SMOC2: variants seen among roughly 807,000 people sequenced by gnomAD.
The protein encoded by SMOC2 is SPARC related modular calcium binding 2.
Under a neutral mutation model 61.4 loss-of-function variants are expected in SMOC2, and 39 were observed. That is an observed-to-expected ratio of 0.64 (90% CI 0.49 to 0.83). The LOEUF (loss-of-function observed/expected upper bound fraction) is 0.83, where lower values mean the gene tolerates loss of function less well. Ranked by LOEUF, SMOC2 falls within the 40% of genes least tolerant of loss-of-function variation. The pLI is 0.00. For missense variants in SMOC2, 556 were observed against 592.9 expected (o/e 0.94, Z 0.65); for synonymous variants, 247 against 239.9 (o/e 1.03, Z -0.27).
intron 9 of SMOC2, among the ~76,000 whole-genome samples, chr6:168,639,580 C>T (rs997802447): frequency 6.6e-6 from 1 of 152,084 alleles, no homozygotes; most frequent in Non-Finnish European, 1.5e-5. Flanking sequence ...TTCTATTGTA[C>T]TTTTGAATAT....
At chr6:168,474,189 T>A (rs926099280) in intron 1 of SMOC2, among the ~76,000 whole-genome samples, 1 of 152,122 alleles carries the variant, frequency 6.6e-6, no homozygotes, top group Non-Finnish European at 1.5e-5. Context: ...ACAGACCCGA[T>A]CCTGGCTTCC....
chr6:168,518,283 A>AGTGTGAAT (rs138290221), intron 2 of SMOC2, among the ~76,000 whole-genome samples: 3 of 152,024 alleles, frequency 2.0e-5, no homozygotes, highest in Admixed American at 6.5e-5. Flanking sequence ...CGGGGGTGTG[A>AGTGTGAAT]GTGTGAATGT....
intron 1 of SMOC2, among the ~76,000 whole-genome samples, chr6:168,497,502 C>T (rs1001120495): frequency 7.9e-5 from 12 of 151,918 alleles, no homozygotes; most frequent in Non-Finnish European, 1.2e-4. Context: ...TCTTGAGTGC[C>T]CTCTCTCCTC....
At chr6:168,542,089 T>C (rs1305378223) in intron 4 of SMOC2, among the ~76,000 whole-genome samples, 1 of 152,248 alleles carries the variant, frequency 6.6e-6, no homozygotes, top group Non-Finnish European at 1.5e-5. Context: ...CAAAATATGA[T>C]CATTTCCCGT....
intron 9 of SMOC2, 151 bp downstream of exon 9, chr6:168,608,390 T>A (rs1785767966): frequency 1.1e-6 from 1 of 876,104 alleles, no homozygotes. Context: ...GGGCCCTGAG[T>A]CCAGGCAGGG....
intron 2 of SMOC2, among the ~76,000 whole-genome samples, chr6:168,514,448 G>A (rs1415526552): frequency 2.0e-5 from 3 of 152,250 alleles, no homozygotes; most frequent in African/African-American, 4.8e-5. Flanking sequence ...GAAAGTTGGC[G>A]TGGAGCCAGG....
intron 1 of SMOC2, among the ~76,000 whole-genome samples, chr6:168,476,071 G>A (rs576357261): frequency 8.5e-5 from 13 of 152,256 alleles, no homozygotes; most frequent in South Asian, 2.1e-4. Flanking sequence ...ACACACAAGC[G>A]TAAAAAGATA....
Position 168,505,432 on chromosome 6 carries a change from T to C in SMOC2, c.85-4483T>C, listed in dbSNP as rs563588029. Among the ~76,000 whole-genome samples, 14 of 148,884 alleles carry C rather than the reference T, an allele frequency of 9.4e-5. No homozygotes were observed. The South Asian group carries it at 1.1e-3, about 12-fold the overall frequency. ...AATGAAATGTCCATCTCTCAGATGC[T>C]GGATGAATGACTGAATGAAATGTCC... On this transcript the variant is annotated intron_variant, in intron 1 of 12. Coordinates refer to ENST00000356284, the MANE Select transcript of SMOC2 (RefSeq NM_001166412.2).
intron 1 of SMOC2, among the ~76,000 whole-genome samples, chr6:168,477,463 G>T (rs1206248310): frequency 6.6e-6 from 1 of 152,212 alleles, no homozygotes; most frequent in Non-Finnish European, 1.5e-5. Flanking sequence ...CTCCTGGAAA[G>T]TATGACCAAT....
At chr6:168,597,427 G>A (rs1161920096) in intron 7 of SMOC2, among the ~76,000 whole-genome samples, 1 of 152,180 alleles carries the variant, frequency 6.6e-6, no homozygotes, top group Admixed American at 6.5e-5. Context: ...GAAAAATTAT[G>A]CAATAGCTAA....
chr6:168,633,752 T>G (rs2115250446), intron 9 of SMOC2, among the ~76,000 whole-genome samples: 1 of 152,180 alleles, frequency 6.6e-6, no homozygotes, highest in Non-Finnish European at 1.5e-5. Context: ...TGGGTTTAAG[T>G]TGAGTTTTTG....
chr6:168,591,865 T>A (rs879447553), intron 7 of SMOC2, among the ~76,000 whole-genome samples: 3 of 152,160 alleles, frequency 2.0e-5, no homozygotes, highest in Admixed American at 1.3e-4. Flanking sequence ...TAAAATGGAA[T>A]ATTGCAATAG....
intron 11 of SMOC2, among the ~76,000 whole-genome samples, chr6:168,659,099 G>T (rs1224611425): frequency 6.6e-6 from 1 of 151,754 alleles, no homozygotes; most frequent in Non-Finnish European, 1.5e-5. Context: ...ATAGCATGTG[G>T]TGTGTAAACA....
At chr6:168,581,023 C>T (rs529378620) in intron 7 of SMOC2, among the ~76,000 whole-genome samples, 1 of 152,236 alleles carries the variant, frequency 6.6e-6, no homozygotes, top group African/African-American at 2.4e-5. Context: ...AAATGAATGC[C>T]CGTCATAGGC....
chr6:168,471,908 T>G (rs936893391), intron 1 of SMOC2, among the ~76,000 whole-genome samples: 2 of 152,238 alleles, frequency 1.3e-5, no homozygotes, highest in Non-Finnish European at 2.9e-5. Flanking sequence ...TTTTTGTTGT[T>G]GTTGACTTGT....
intron 7 of SMOC2, among the ~76,000 whole-genome samples, chr6:168,596,094 C>A (rs1562370047): frequency 6.1e-5 from 6 of 98,158 alleles, no homozygotes; most frequent in Non-Finnish European, 4.4e-5. Flanking sequence ...GAGGCATGAA[C>A]AAGCGCCACG....
chr6:168,523,507 C>G (rs1039488868), intron 2 of SMOC2, among the ~76,000 whole-genome samples: 1 of 151,674 alleles, frequency 6.6e-6, no homozygotes, highest in Non-Finnish European at 1.5e-5. Context: ...CCTTCCTCAG[C>G]CTCCAGAGTA....
intron 11 of SMOC2, 30 bp downstream of exon 11, chr6:168,653,258 C>T (rs200650914): frequency 8.3e-6 from 12 of 1,438,080 alleles, no homozygotes; most frequent in Admixed American, 1.8e-5. Context: ...CGACCCTGGG[C>T]AGTGGTCAGG....
At chr6:168,519,098 CGT>C (rs1160080382) in intron 2 of SMOC2, among the ~76,000 whole-genome samples, 18 of 127,442 alleles carry the variant, frequency 1.4e-4, no homozygotes, top group Admixed American at 8.8e-4. Flanking sequence ...TGTGAACATG[CGT>C]GTGTGAACGC....
Sources: gnomAD v4.1 joint callset for allele counts (sites outside exome capture counted in the v4.1 genomes callset) on GRCh38, gnomAD v4.1.1 for gene constraint, MANE v1.5 for transcripts, NCBI Gene and HGNC (gene_info 2026-07-23, HGNC 2026-07-21) for gene names.